Variants in MED1 observed in about 807,000 individuals in gnomAD.
MED1 encodes the protein mediator of RNA polymerase II transcription subunit 1.
In MED1, 17 loss-of-function variants were observed where a neutral mutation model predicts 121.3. The ratio of observed to expected loss-of-function variants is 0.14; its 90% CI spans 0.10 to 0.21. The LOEUF is 0.21. Ranked by LOEUF, MED1 falls within the 10% of genes least tolerant of loss-of-function variation. The pLI is 1.00. For synonymous variants in MED1, 661 were observed against 694.4 expected (o/e 0.95, Z 0.76); for missense variants, 1,558 against 1,919.4 (o/e 0.81, Z 3.52).
At position 39,405,321 on chromosome 17, in the gene MED1, C is replaced by A; in HGVS notation, c.*2154G>T. 1 of 1,601,256 alleles carries A rather than the reference C, an allele frequency of 6.2e-7. No individual in the cohort carries two copies. Among genetic ancestry groups the A allele is most frequent in the African/African-American group, 1.3e-5 (1 of 74,890 alleles). On this transcript the variant is annotated 3_prime_UTR_variant, in exon 17 of 17. Transcript: ENST00000300651. Reference sequence around the variant, plus strand: ...GGGATTCTTTGATCTGGGATGAAGACAGAAAGAGAGAAAAGCTTCCCAGTT... The same window carrying A: ...GGGATTCTTTGATCTGGGATGAAGAAAGAAAGAGAGAAAAGCTTCCCAGTT...
chr17:39,410,316 C>T lies in MED1; in HGVS notation c.1905G>A (p.Met635Ile). ...TCGGGTGGTTCTTGGTGTTGCCGGC[C>T]ATCGAAGAGACAGGTGGCGGCGTGT... Reference protein sequence around the residue: ...PHHTPPPVSSMAGNTKNHPML... With the variant: ...PHHTPPPVSSIAGNTKNHPML... Residue 635 changes from methionine (M) to isoleucine (I), a missense_variant, in exon 17 of 17, where the codon ATG becomes ATA. By Grantham distance (10) the Met-to-Ile change is conservative (BLOSUM62 1). Coordinates refer to ENST00000300651, the MANE Select transcript of MED1 (RefSeq NM_004774.4). The T allele has an allele frequency of 6.2e-7, 1 of 1,613,724 alleles. No individual in the cohort carries two copies. Among genetic ancestry groups the T allele is most frequent in the South Asian group, 1.1e-5 (1 of 90,996 alleles).
chr17:39,414,634 C>A (rs1360196127), intron 16 of MED1, among the ~76,000 whole-genome samples: 5 of 61,530 alleles, frequency 8.1e-5, no homozygotes, highest in East Asian at 6.0e-4. Context: ...CAGGCCCGGC[C>A]TTTTTTTTTT....
chr17:39,435,407 G>A (rs189229376), intron 6 of MED1, among the ~76,000 whole-genome samples: 8 of 151,974 alleles, frequency 5.3e-5, no homozygotes, highest in African/African-American at 9.6e-5. Flanking sequence ...TTCGATTGTC[G>A]GACAAATGGG....
intron 16 of MED1, among the ~76,000 whole-genome samples, chr17:39,412,106 TTC>T (rs2048361023): frequency 6.6e-6 from 1 of 152,080 alleles, no homozygotes; most frequent in South Asian, 2.1e-4. Context: ...AAAGTGCTAT[TTC>T]TGTTATAAAT....
At chr17:39,431,907 G>T in intron 8 of MED1, 35 bp downstream of exon 8, 1 of 1,470,990 alleles carries the variant, frequency 6.8e-7, no homozygotes, top group South Asian at 1.1e-5. Flanking sequence ...AAAAACTCAA[G>T]GGATCATGTA....
Position 39,407,278 on chromosome 17 carries a change from C to A in MED1, c.*197G>T. 1 of 1,111,178 alleles carries A rather than the reference C, an allele frequency of 9.0e-7. No homozygotes were observed. The highest frequency in any genetic ancestry group is 1.1e-6 in the Non-Finnish European group (1 of 914,174). 68.8% of individuals were successfully genotyped at this position (1,111,178 alleles called of 1,614,324 possible). The stretch of plus-strand genomic sequence containing the variant: ...AGGAACAAAGAAGACTTCCTGGTAA[C>A]CAGAATCAAACCCTGTGGTTTCTTT... On this transcript the variant is annotated 3_prime_UTR_variant, in exon 17 of 17. Coordinates refer to ENST00000300651, the MANE Select transcript of MED1 (RefSeq NM_004774.4).
intron 11 of MED1, 67 bp from the exon 12 acceptor site, chr17:39,423,888 T>A: frequency 2.2e-6 from 1 of 448,732 alleles, no homozygotes. Flanking sequence ...CCCAAACACC[T>A]TTTTTTTTTT....
chr17:39,437,576 A>T (rs916205831), intron 6 of MED1, among the ~76,000 whole-genome samples: 1 of 152,168 alleles, frequency 6.6e-6, no homozygotes, highest in African/African-American at 2.4e-5. Flanking sequence ...TACCAAGTTT[A>T]AGAGACCCTG....
intron 13 of MED1, among the ~76,000 whole-genome samples, chr17:39,421,033 T>G (rs549838869): frequency 1.3e-5 from 2 of 151,502 alleles, no homozygotes; most frequent in East Asian, 4.0e-4. Context: ...CCTGACCTCA[T>G]GATCTGCCCG....
At chr17:39,446,478 CAAAAAATATAAAA>C (rs1406689607) in intron 2 of MED1, among the ~76,000 whole-genome samples, 36 of 130,658 alleles carry the variant, frequency 2.8e-4, no homozygotes, top group Non-Finnish European at 5.3e-4. Flanking sequence ...ACGATTTCTA[CAAAAAATATAAAA>C]AACTAGCTGG....
intron 16 of MED1, among the ~76,000 whole-genome samples, chr17:39,414,253 T>C (rs570215764): frequency 6.6e-6 from 1 of 151,956 alleles, no homozygotes; most frequent in South Asian, 2.1e-4. Context: ...TAGATTACTT[T>C]GAATCCGAAA....
intron 16 of MED1, among the ~76,000 whole-genome samples, chr17:39,411,448 C>G (rs529015862): frequency 6.6e-6 from 1 of 151,806 alleles, no homozygotes; most frequent in South Asian, 2.1e-4. Context: ...GGGTGAAACC[C>G]TGTCTCTACT....
At chr17:39,419,278 T>C (rs1208648712) in intron 14 of MED1, among the ~76,000 whole-genome samples, 1 of 151,796 alleles carries the variant, frequency 6.6e-6, no homozygotes, top group Non-Finnish European at 1.5e-5. Flanking sequence ...GGTTTTGCCA[T>C]GTTCCTCAGA....
chr17:39,450,748 G>A (rs988730450), intron 1 of MED1, among the ~76,000 whole-genome samples: 7 of 152,106 alleles, frequency 4.6e-5, no homozygotes, highest in African/African-American at 1.7e-4. Context: ...CTTCTGGAAC[G>A]AGATGTAAGC....
chr17:39,432,317 T>G (rs2048572303), intron 7 of MED1, among the ~76,000 whole-genome samples: 1 of 108,878 alleles, frequency 9.2e-6, no homozygotes, highest in Admixed American at 1.3e-4. Flanking sequence ...CACTCCAGCC[T>G]GGGTGACAGA....
intron 10 of MED1, among the ~76,000 whole-genome samples, chr17:39,426,648 C>T (rs1283379377): frequency 2.6e-5 from 4 of 151,788 alleles, no homozygotes; most frequent in Non-Finnish European, 5.9e-5. Context: ...GATTCTCCTG[C>T]CTCAGCTTCC....
In MED1 at chr17:39,404,394, A is replaced by C. The variant is rs1483446091; in HGVS notation, c.*3081T>G. 6.6e-6 allele frequency: 1 copy of C among 152,396 alleles called. No homozygotes were observed. Among genetic ancestry groups the C allele is most frequent in the Non-Finnish European group, 1.5e-5 (1 of 68,020 alleles). The allele number at this position is 152,396 out of a possible 1,614,324, so 9.4% of individuals were successfully genotyped here. On this transcript the variant is annotated 3_prime_UTR_variant, in exon 17 of 17. Transcript: ENST00000300651. ...TCATCTACTTTCAAAAAAATGAAAA[A>C]CCCCAAAGTATTTACAAAACGGCCA...
chr17:39,428,062 A>AT (rs945798775), intron 9 of MED1, among the ~76,000 whole-genome samples: 10 of 152,010 alleles, frequency 6.6e-5, no homozygotes, highest in Non-Finnish European at 1.3e-4. Flanking sequence ...AAAAATAATA[A>AT]TAATAGGCCG....
At chr17:39,442,501 C>T (rs1456290261) in intron 3 of MED1, among the ~76,000 whole-genome samples, 1 of 147,774 alleles carries the variant, frequency 6.8e-6, no homozygotes, top group East Asian at 2.0e-4. Flanking sequence ...GGAGGCTGAG[C>T]CAGGAGAATC....
Sources: gnomAD v4.1 joint callset for allele counts (sites outside exome capture counted in the v4.1 genomes callset) on GRCh38, gnomAD v4.1.1 for gene constraint, MANE v1.5 for transcripts, NCBI Gene and HGNC (gene_info 2026-07-23, HGNC 2026-07-21) for gene names.